TMEM154: variants seen among roughly 807,000 people sequenced by gnomAD.
TMEM154 encodes the protein transmembrane protein 154.
Under a neutral mutation model 24.5 loss-of-function variants are expected in TMEM154, and 27 were observed. The ratio of observed to expected loss-of-function variants is 1.10; its 90% CI spans 0.81 to 1.52. The LOEUF is 1.52. Among genes scored for constraint, TMEM154 ranks in the 40% most tolerant of loss-of-function variants. The probability of loss-of-function intolerance (pLI) is 0.00; values close to 1 mark genes in which losing one functional copy is unlikely to be tolerated. For synonymous variants in TMEM154, 67 were observed against 76.8 expected (o/e 0.87, Z 0.67); for missense variants, 228 against 213.4 (o/e 1.07, Z -0.43).
At chr4:152,639,976 G>C (rs564848980) in intron 6 of TMEM154, among the ~76,000 whole-genome samples, 5 of 152,116 alleles carry the variant, frequency 3.3e-5, no homozygotes, top group East Asian at 1.9e-4. Flanking sequence ...TGAGGTTTAG[G>C]GGGGAGACGC....
intron 1 of TMEM154, among the ~76,000 whole-genome samples, chr4:152,678,426 A>C (rs540595044): frequency 2.0e-5 from 3 of 152,066 alleles, no homozygotes; most frequent in African/African-American, 7.2e-5. Flanking sequence ...GTGTTGTGCA[A>C]TAGAAGAGGT....
intron 1 of TMEM154, 50 bp downstream of exon 1, chr4:152,679,820 C>T: frequency 5.7e-6 from 9 of 1,578,094 alleles, no homozygotes; most frequent in Non-Finnish European, 7.7e-6. Context: ...GGGCACCCTA[C>T]CAGCTTTTGC....
intron 1 of TMEM154, among the ~76,000 whole-genome samples, chr4:152,670,906 G>C (rs937449959): frequency 1.3e-5 from 2 of 152,128 alleles, no homozygotes; most frequent in Admixed American, 6.5e-5. Flanking sequence ...ACCAGCTTCT[G>C]CCTCCCAGGG....
chr4:152,629,968 A>G (rs1020541145), intron 6 of TMEM154, among the ~76,000 whole-genome samples: 4 of 152,152 alleles, frequency 2.6e-5, no homozygotes, highest in Non-Finnish European at 5.9e-5. Flanking sequence ...GAGAAGAACA[A>G]TGGGAAAGGA....
chr4:152,619,740 A>G lies in TMEM154; in HGVS notation c.*8806T>C, dbSNP rs554864222. 6.6e-6 allele frequency: 1 copy of G among 152,346 alleles called. No homozygotes were observed. The highest frequency in any genetic ancestry group is 1.5e-5 in the Non-Finnish European group (1 of 68,038). The allele number at this position is 152,346 out of a possible 1,614,324, so 9.4% of individuals were successfully genotyped here. A position where few individuals can be genotyped will look rare whatever the true frequency, so the allele number is the denominator to read the frequency against. On this transcript the variant is annotated 3_prime_UTR_variant, in exon 7 of 7. Coordinates refer to ENST00000304385, the MANE Select transcript of TMEM154 (RefSeq NM_152680.3). ...AGGCTTGGCTGGGCTCCTATCCGAC[A>G]GCCAGAACAAACTTGCCAGCCATGT...
chr4:152,661,607 G>A (rs1728614843), intron 1 of TMEM154, among the ~76,000 whole-genome samples: 1 of 152,048 alleles, frequency 6.6e-6, no homozygotes, highest in Non-Finnish European at 1.5e-5. Flanking sequence ...ACAGATGAGG[G>A]TCTGGTCATA....
intron 1 of TMEM154, among the ~76,000 whole-genome samples, chr4:152,672,139 C>T (rs577391435): frequency 4.7e-5 from 7 of 149,402 alleles, no homozygotes; most frequent in Non-Finnish European, 8.9e-5. Context: ...TAGTGGCATG[C>T]GCCTGTAGTC....
chr4:152,637,712 C>G (rs1305975014), intron 6 of TMEM154, among the ~76,000 whole-genome samples: 1 of 152,146 alleles, frequency 6.6e-6, no homozygotes, highest in Non-Finnish European at 1.5e-5. Flanking sequence ...AACAAACAAG[C>G]ATTCAAATTA....
intron 1 of TMEM154, among the ~76,000 whole-genome samples, chr4:152,678,890 G>T (rs1729005610): frequency 6.6e-6 from 1 of 152,214 alleles, no homozygotes; most frequent in South Asian, 2.1e-4. Flanking sequence ...GGGTGGCTGG[G>T]TGCTGGCTGC....
chr4:152,647,766 A>G (rs1728289196), intron 3 of TMEM154, among the ~76,000 whole-genome samples: 1 of 152,226 alleles, frequency 6.6e-6, no homozygotes, highest in Non-Finnish European at 1.5e-5. Flanking sequence ...CTTAGCACTT[A>G]TGCCAGGTAC....
At chr4:152,668,659 T>C (rs746334703) in intron 1 of TMEM154, 1 of 151,698 alleles carries the variant, frequency 6.6e-6, no homozygotes, top group South Asian at 2.1e-4. Context: ...GGTGGGTGCT[T>C]GTGATAAGTT....
intron 3 of TMEM154, among the ~76,000 whole-genome samples, chr4:152,645,452 A>T (rs1752342959): frequency 6.6e-6 from 1 of 152,208 alleles, no homozygotes; most frequent in South Asian, 2.1e-4. Context: ...AGTGGTGAGA[A>T]TTGGAGCCTG....
rs1339472676 is a variant in TMEM154 at position 152,652,919 on chromosome 4, C to T, written c.73G>A (p.Glu25Lys). ...ALVPVGRGNY[E>K]ELENSGDTTV... ...GTATCTCCTGAGTTTTCTAATTCCT[C>T]ATAATTACCTGTGGGAATAGATACA... The change falls in exon 2 of 7, where the codon GAG becomes AAG. Residue 25 changes from glutamate to lysine, a missense_variant. By Grantham distance (56) the Glu-to-Lys change is moderately conservative. Transcript: ENST00000304385. The T allele has an allele frequency of 1.3e-6, 2 of 1,598,632 alleles. No individual in the cohort carries two copies. Among genetic ancestry groups the T allele is most frequent in the Non-Finnish European group, 8.5e-7 (1 of 1,173,908 alleles).
intron 6 of TMEM154, 62 bp from the exon 7 acceptor site, chr4:152,628,623 G>A (rs1239654757): frequency 5.9e-5 from 60 of 1,016,886 alleles, no homozygotes; most frequent in Non-Finnish European, 7.3e-5. Flanking sequence ...ACACAAAACA[G>A]TAATATATTT....
At chr4:152,632,710 A>G (rs928684489) in intron 6 of TMEM154, among the ~76,000 whole-genome samples, 1 of 152,126 alleles carries the variant, frequency 6.6e-6, no homozygotes, top group African/African-American at 2.4e-5. Flanking sequence ...TGCCATTTTT[A>G]TGATATTACC....
rs1197984793 is a variant in TMEM154 at position 152,619,098 on chromosome 4, C to G, written c.*9448G>C. 2.0e-5 allele frequency: 3 copies of G among 152,210 alleles called. No individual in the cohort carries two copies. The highest frequency in any genetic ancestry group is 4.4e-5 in the Non-Finnish European group (3 of 68,028). The allele number at this position is 152,210 out of a possible 1,614,324, so 9.4% of individuals were successfully genotyped here. On this transcript the variant is annotated 3_prime_UTR_variant, in exon 7 of 7. Transcript: ENST00000304385. ...AGAGATGAGTAAGACTGATCCCTAT[C>G]CTCAAGGTGCTCAGTCTAATCTGCT...
intron 1 of TMEM154, among the ~76,000 whole-genome samples, chr4:152,656,758 C>T (rs1038002946): frequency 1.3e-5 from 2 of 151,694 alleles, no homozygotes; most frequent in East Asian, 1.9e-4. Context: ...CCCATCTCTA[C>T]GAAAAATACA....
At position 152,641,066 on chromosome 4, in the gene TMEM154, A is replaced by G. The variant is rs72956779; in HGVS notation, c.479-81T>C. 0.013 allele frequency: 17,724 copies of G among 1,367,264 alleles called. 857 individuals carry two copies. In the African/African-American group the frequency reaches 0.15, roughly 12 times the overall value. The allele number at this position is 1,367,264 out of a possible 1,614,324, so 84.7% of individuals were successfully genotyped here. On this transcript the variant is annotated intron_variant, in intron 5 of 6. Transcript: ENST00000304385. The stretch of plus-strand genomic sequence containing the variant: ...CACAAACCTGATACAGTTAAATACC[A>G]TAGTTCTCTGATCTGCGTGGTTACT...
intron 1 of TMEM154, among the ~76,000 whole-genome samples, chr4:152,663,008 G>A (rs1335088843): frequency 1.3e-5 from 2 of 152,144 alleles, no homozygotes; most frequent in Non-Finnish European, 2.9e-5. Flanking sequence ...GGCCTGGGAA[G>A]AATTCCCTCC....
Sources: allele counts gnomAD v4.1 joint callset (sites outside exome capture counted in the v4.1 genomes callset), GRCh38; gene constraint gnomAD v4.1.1; transcripts MANE v1.5; gene names NCBI Gene and HGNC (gene_info 2026-07-23, HGNC 2026-07-21).